FCHSD2: variants seen among roughly 807,000 people sequenced by gnomAD.
FCHSD2 encodes FCH and double SH3 domains 2, also known as F-BAR and double SH3 domains protein 2.
FCHSD2 carries 38 observed loss-of-function variants against 108.1 expected under a neutral mutation model. That is an observed-to-expected ratio of 0.35 (90% confidence interval 0.27 to 0.46). FCHSD2 has a LOEUF of 0.46. FCHSD2 is among the 20% of genes least tolerant of loss of function. The pLI is 1.00. For synonymous variants in FCHSD2, 279 were observed against 314.7 expected (o/e 0.89, Z 1.20); for missense variants, 751 against 897.8 (o/e 0.84, Z 2.09).
intron 9 of FCHSD2, among the ~76,000 whole-genome samples, chr11:72,910,634 T>C (rs541358903): frequency 1.3e-5 from 2 of 152,188 alleles, no homozygotes; most frequent in East Asian, 3.9e-4. Context: ...AGCATGCTCG[T>C]TAAGAGTCAT....
intron 8 of FCHSD2, among the ~76,000 whole-genome samples, chr11:72,940,234 A>C (rs1430269785): frequency 6.6e-6 from 1 of 152,078 alleles, no homozygotes; most frequent in Non-Finnish European, 1.5e-5. Flanking sequence ...ACAATATCTA[A>C]ATGGGGCTTT....
chr11:73,058,613 T>A (rs1256554458), intron 3 of FCHSD2, among the ~76,000 whole-genome samples: 1 of 151,132 alleles, frequency 6.6e-6, no homozygotes, highest in Admixed American at 6.6e-5. Flanking sequence ...TTTTTTTTTT[T>A]AAGACAGAGT....
At chr11:72,932,402 G>C (rs932724366) in intron 8 of FCHSD2, among the ~76,000 whole-genome samples, 7 of 152,062 alleles carry the variant, frequency 4.6e-5, no homozygotes, top group African/African-American at 1.7e-4. Flanking sequence ...TTAGGAAAAG[G>C]CTTTTAAAAA....
chr11:72,850,379 TTTTTTA>T (rs1861253406), intron 13 of FCHSD2, among the ~76,000 whole-genome samples: 1 of 151,936 alleles, frequency 6.6e-6, no homozygotes, highest in Non-Finnish European at 1.5e-5. Context: ...ACAGAGATTT[TTTTTTA>T]TTTTATTTTT....
chr11:73,082,335 CAAA>C (rs750423401), intron 3 of FCHSD2, among the ~76,000 whole-genome samples: 317 of 34,424 alleles, frequency 9.2e-3, no homozygotes, highest in Middle Eastern at 0.05. Flanking sequence ...AGACTTGTCC[CAAA>C]AAAAAAAAAA....
At chr11:72,983,551 T>G (rs1334041682) in intron 8 of FCHSD2, among the ~76,000 whole-genome samples, 1 of 152,176 alleles carries the variant, frequency 6.6e-6, no homozygotes, top group Non-Finnish European at 1.5e-5. Flanking sequence ...AAATTCAGGC[T>G]AAGAGATACA....
At chr11:73,075,373 T>C (rs974629869) in intron 3 of FCHSD2, among the ~76,000 whole-genome samples, 2 of 152,186 alleles carry the variant, frequency 1.3e-5, no homozygotes, top group African/African-American at 4.8e-5. Flanking sequence ...AGTGGCACCA[T>C]TCATAATGAT....
intron 13 of FCHSD2, among the ~76,000 whole-genome samples, chr11:72,854,637 C>T (rs776273765): frequency 1.3e-5 from 2 of 152,176 alleles, no homozygotes; most frequent in Non-Finnish European, 2.9e-5. Context: ...ACACATGCTA[C>T]ATATGACATG....
chr11:72,926,348 G>A (rs1335388837), intron 8 of FCHSD2, among the ~76,000 whole-genome samples: 3 of 152,174 alleles, frequency 2.0e-5, no homozygotes, highest in Non-Finnish European at 4.4e-5. Flanking sequence ...AGCAGAGGAT[G>A]GCCAGAGGAG....
rs144998272 is a variant in FCHSD2, at chr11:72,914,963, A to ATTTTTTT, written c.828+6858_828+6864dup. Among the ~76,000 whole-genome samples the ATTTTTTT allele has an allele frequency of 1.2e-4, 14 of 120,462 alleles. 1 individual carries two copies. Among genetic ancestry groups the ATTTTTTT allele is most frequent in the African/African-American group, 4.2e-4 (13 of 31,060 alleles). 79.0% of individuals were successfully genotyped at this position (120,462 alleles called of 152,430 possible). On this transcript the variant is annotated intron_variant, in intron 9 of 19. Transcript: ENST00000409418. ...TAAAAAGGCATCCTACAGAATGGGAATTTTTTTTTTTTTTTTTTTTGCAAA... is the reference window on the plus strand; with the variant it reads ...TAAAAAGGCATCCTACAGAATGGGAATTTTTTTTTTTTTTTTTTTTTTTTTTTGCAAA...
chr11:73,009,444 C>T (rs1857813386), intron 4 of FCHSD2, among the ~76,000 whole-genome samples: 1 of 152,006 alleles, frequency 6.6e-6, no homozygotes, highest in Admixed American at 6.6e-5. Flanking sequence ...TTGCAGTGAG[C>T]CAAGATCATG....
chr11:73,049,772 G>A, intron 3 of FCHSD2, among the ~76,000 whole-genome samples: 1 of 151,684 alleles, frequency 6.6e-6, no homozygotes, highest in African/African-American at 2.4e-5. Flanking sequence ...ATATTTTAAA[G>A]GGCTACCATT....
At chr11:73,126,894 C>T (rs972485776) in intron 2 of FCHSD2, among the ~76,000 whole-genome samples, 8 of 152,034 alleles carry the variant, frequency 5.3e-5, no homozygotes, top group Admixed American at 2.6e-4. Flanking sequence ...AAAAATTTGC[C>T]GAGCATCGTG....
At chr11:73,127,862 T>G (rs1352304759) in intron 2 of FCHSD2, among the ~76,000 whole-genome samples, 2 of 145,588 alleles carry the variant, frequency 1.4e-5, no homozygotes, top group African/African-American at 2.5e-5. Context: ...GGGGCGGGGG[T>G]GGGAATCACC....
intron 3 of FCHSD2, among the ~76,000 whole-genome samples, chr11:73,080,295 T>TTAAAA (rs1565400571): frequency 5.3e-5 from 4 of 75,036 alleles, no homozygotes; most frequent in African/African-American, 2.4e-4. Context: ...AGACCCTGTC[T>TTAAAA]CAAAAAAAAA....
intron 5 of FCHSD2, among the ~76,000 whole-genome samples, chr11:72,992,209 T>G (rs1270286449): frequency 6.6e-6 from 1 of 152,104 alleles, no homozygotes. Context: ...TTACAAGGGA[T>G]GTGAAGGACC....
chr11:72,877,339 G>C (rs1287593091), intron 12 of FCHSD2, among the ~76,000 whole-genome samples: 2 of 152,076 alleles, frequency 1.3e-5, no homozygotes, highest in Non-Finnish European at 2.9e-5. Flanking sequence ...CAGTAAGATG[G>C]AGGTTCTGCT....
At chr11:73,135,532 C>T (rs1861102203) in intron 2 of FCHSD2, among the ~76,000 whole-genome samples, 1 of 152,080 alleles carries the variant, frequency 6.6e-6, no homozygotes, top group Non-Finnish European at 1.5e-5. Context: ...AAGAAAAGTA[C>T]ACAGACTCTA....
rs551361546 is a variant in FCHSD2, at chr11:72,979,711, G to C, written c.705+4377C>G. On this transcript the variant is annotated intron_variant, in intron 8 of 19. Coordinates refer to ENST00000409418, the MANE Select transcript of FCHSD2 (RefSeq NM_014824.3). Reference sequence around the variant, plus strand: ...AAACTTACTTCCCATGCCCACTTTCGCAAGAAGGTACTGGAGGATGTGCTC... The same window carrying C: ...AAACTTACTTCCCATGCCCACTTTCCCAAGAAGGTACTGGAGGATGTGCTC... 3.3e-5 allele frequency among the ~76,000 whole-genome samples: 5 copies of C among 152,152 alleles called. No homozygotes were observed. The South Asian group carries it at 1.0e-3, about 32-fold the overall frequency.
Sources: gnomAD v4.1 joint callset for allele counts (sites outside exome capture counted in the v4.1 genomes callset) on GRCh38, gnomAD v4.1.1 for gene constraint, MANE v1.5 for transcripts, NCBI Gene and HGNC (gene_info 2026-07-23, HGNC 2026-07-21) for gene names.